The following SREBF2 variants were observed in gnomAD, a reference collection of about 807,000 sequenced individuals.
The protein encoded by SREBF2 is sterol regulatory element-binding protein 2.
A neutral mutation model predicts 113.1 loss-of-function variants in SREBF2; 55 were observed. The ratio of observed to expected loss-of-function variants is 0.49; its 90% CI spans 0.39 to 0.61. SREBF2 has a LOEUF of 0.61. Ranked by LOEUF, SREBF2 falls within the 20% of genes least tolerant of loss-of-function variation. SREBF2 has a pLI of 0.00. For synonymous variants in SREBF2, 593 were observed against 605.7 expected (o/e 0.98, Z 0.31); for missense variants, 1,349 against 1,487.4 (o/e 0.91, Z 1.53).
rs528004172 is a variant in SREBF2 at position 41,840,468 on chromosome 22, A to G, written c.88+7110A>G. On this transcript the variant is annotated intron_variant, in intron 1 of 18. Transcript: ENST00000361204. ...CTTTCCCAGTTCTTGATTTTTACTCACTTATTTTAGTGGAGCACATCCTCC... is the reference window on the plus strand; with the variant it reads ...CTTTCCCAGTTCTTGATTTTTACTCGCTTATTTTAGTGGAGCACATCCTCC... Among the ~76,000 whole-genome samples, 15 of 152,074 alleles carry G rather than the reference A, an allele frequency of 9.9e-5. No individual in the cohort carries two copies. In the East Asian group the frequency reaches 2.7e-3, roughly 27 times the overall value.
intron 1 of SREBF2, among the ~76,000 whole-genome samples, chr22:41,864,510 C>T (rs1362499213): frequency 6.6e-6 from 1 of 150,564 alleles, no homozygotes; most frequent in Admixed American, 6.6e-5. Flanking sequence ...TTAGTAGAGA[C>T]GGGGTTTCAC....
At chr22:41,898,560 T>A in intron 14 of SREBF2, 89 bp from the exon 15 acceptor site, 1 of 1,571,800 alleles carries the variant, frequency 6.4e-7, no homozygotes, top group South Asian at 1.1e-5. Context: ...ATGTTACCCA[T>A]CTCCTAGGAA....
At chr22:41,862,561 A>T (rs1489124621) in intron 1 of SREBF2, among the ~76,000 whole-genome samples, 1 of 151,988 alleles carries the variant, frequency 6.6e-6, no homozygotes, top group African/African-American at 2.4e-5. Context: ...CCCTTTTCTG[A>T]GTTTCATGGC....
intron 3 of SREBF2, among the ~76,000 whole-genome samples, chr22:41,869,924 G>A (rs2077124163): frequency 6.6e-6 from 1 of 151,228 alleles, no homozygotes; most frequent in South Asian, 2.1e-4. Context: ...CACGATCTCG[G>A]CTCACTGTGC....
rs537096033 is a variant in SREBF2 at position 41,906,346 on chromosome 22, T to A, written c.*686T>A. On this transcript the variant is annotated 3_prime_UTR_variant, in exon 19 of 19. Transcript: ENST00000361204. ...ATGTTGGCATTATTTTTTAATTTTT[T>A]AAAAAATAAATGGTATCTTATTTAA... The A allele has an allele frequency of 1.5e-3, 306 of 203,954 alleles. 2 individuals are homozygous for A. Among genetic ancestry groups the A allele is most frequent in the African/African-American group, 6.9e-3 (294 of 42,414 alleles). The allele number at this position is 203,954 out of a possible 1,614,324, so 12.6% of individuals were successfully genotyped here.
At chr22:41,850,131 C>T (rs1480086871) in intron 1 of SREBF2, among the ~76,000 whole-genome samples, 3 of 149,896 alleles carry the variant, frequency 2.0e-5, no homozygotes, top group Non-Finnish European at 4.4e-5. Context: ...CAGAGTGAGA[C>T]TCCGTCTCAA....
chr22:41,878,821 T>G (rs1389140196), intron 9 of SREBF2: 2 of 1,086,834 alleles, frequency 1.8e-6, no homozygotes, highest in Non-Finnish European at 2.5e-6. Flanking sequence ...AGAATCTGAT[T>G]GGCCATCCTG....
At chr22:41,872,749 G>C (rs2077158015) in intron 4 of SREBF2, among the ~76,000 whole-genome samples, 1 of 151,986 alleles carries the variant, frequency 6.6e-6, no homozygotes, top group Admixed American at 6.6e-5. Flanking sequence ...AAATGAGCCA[G>C]GTGTGGTGGT....
Position 41,833,525 on chromosome 22 carries a change from G to C in SREBF2, c.88+167G>C. ...CCTCAACCCTTCCGGCGCTGCGAGC[G>C]TGAGCCCGACCCAGCTGCGCCGCTC... On this transcript the variant is annotated intron_variant, in intron 1 of 18. Transcript: ENST00000361204. The surrounding 1 kb of genome is among the most constrained non-coding windows in gnomAD (Gnocchi z 4.1). 1.9e-6 allele frequency: 1 copy of C among 531,058 alleles called. No homozygotes were observed. Among genetic ancestry groups the C allele is most frequent in the South Asian group, 3.0e-5 (1 of 33,734 alleles). 32.9% of individuals were successfully genotyped at this position (531,058 alleles called of 1,614,324 possible). A position where few individuals can be genotyped will look rare whatever the true frequency, so the allele number is the denominator to read the frequency against.
At chr22:41,870,852 G>A in intron 3 of SREBF2, 37 bp from the exon 4 acceptor site, 1 of 1,606,316 alleles carries the variant, frequency 6.2e-7, no homozygotes, top group South Asian at 1.1e-5. Context: ...GAAGGATAAT[G>A]CTATCATCCT....
intron 1 of SREBF2, among the ~76,000 whole-genome samples, chr22:41,859,698 G>T (rs1031563028): frequency 6.0e-5 from 9 of 151,102 alleles, no homozygotes; most frequent in African/African-American, 2.2e-4. Context: ...TCATCAATCC[G>T]TGAGTTAGCT....
chr22:41,833,221 G>C lies in SREBF2; in HGVS notation c.-50G>C. 6.9e-7 allele frequency: 1 copy of C among 1,449,192 alleles called. No homozygotes were observed. Among genetic ancestry groups the C allele is most frequent in the South Asian group, 1.3e-5 (1 of 78,124 alleles). The allele number at this position is 1,449,192 out of a possible 1,614,324, so 89.8% of individuals were successfully genotyped here. A position where few individuals can be genotyped will look rare whatever the true frequency, so the allele number is the denominator to read the frequency against. ...GGGCGGTGGCGACGGCACCGCCCCC[G>C]CGTCTCCCTGAGCGGGACGGCAGGG... On this transcript the variant is annotated 5_prime_UTR_variant, in exon 1 of 19. Coordinates refer to ENST00000361204, the MANE Select transcript of SREBF2 (RefSeq NM_004599.4). The surrounding 1 kb of genome is among the most constrained non-coding windows in gnomAD (Gnocchi z 4.1).
At chr22:41,905,000 A>G (rs2146565273) in intron 18 of SREBF2, 26 bp downstream of exon 18, 1 of 1,547,192 alleles carries the variant, frequency 6.5e-7, no homozygotes, top group South Asian at 1.2e-5. Flanking sequence ...CCCAGCTCAC[A>G]GGCTGGGCCA....
Position 41,873,789 on chromosome 22 carries a change from C to G in SREBF2, c.868-9C>G, listed in dbSNP as rs1279537682. On this transcript the variant is annotated splice_polypyrimidine_tract_variant and intron_variant, in intron 4 of 18. Transcript: ENST00000361204. Reference sequence around the variant, plus strand: ...GGATCATTCTGCTGTGTACCTGTCCCTATTCTAGACCCTGGTGGGCAGCAG... The same window carrying G: ...GGATCATTCTGCTGTGTACCTGTCCGTATTCTAGACCCTGGTGGGCAGCAG... 6.3e-7 allele frequency: 1 copy of G among 1,595,584 alleles called. No homozygotes were observed. The highest frequency in any genetic ancestry group is 8.5e-7 in the Non-Finnish European group (1 of 1,170,432).
rs1377001080 is a variant in SREBF2 at position 41,905,965 on chromosome 22, G to A, written c.*305G>A. 1.6e-6 allele frequency: 1 copy of A among 608,028 alleles called. No homozygotes were observed. The highest frequency in any genetic ancestry group is 1.5e-5 in the South Asian group (1 of 65,912). The allele number at this position is 608,028 out of a possible 1,614,324, so 37.7% of individuals were successfully genotyped here. A position where few individuals can be genotyped will look rare whatever the true frequency, so the allele number is the denominator to read the frequency against. On this transcript the variant is annotated 3_prime_UTR_variant, in exon 19 of 19. Coordinates refer to ENST00000361204, the MANE Select transcript of SREBF2 (RefSeq NM_004599.4). ...AAGCCCCTGCCTCCAGCCTTCCTGA[G>A]TTTCTCTCTCCTGAACCCTACTCTC...
At chr22:41,904,590 G>A (rs759627138) in intron 17 of SREBF2, 6 of 637,708 alleles carry the variant, frequency 9.4e-6, no homozygotes, top group Middle Eastern at 2.5e-4. Context: ...AGCCCCACGA[G>A]GTGCGTCCAG....
In SREBF2 at chr22:41,905,973, C is replaced by G. The variant is rs1456049612; in HGVS notation, c.*313C>G. On this transcript the variant is annotated 3_prime_UTR_variant, in exon 19 of 19. Transcript: ENST00000361204. Reference sequence around the variant, plus strand: ...GCCTCCAGCCTTCCTGAGTTTCTCTCTCCTGAACCCTACTCTCTCCTTTTT... The same window carrying G: ...GCCTCCAGCCTTCCTGAGTTTCTCTGTCCTGAACCCTACTCTCTCCTTTTT... 2 of 590,622 alleles carry G rather than the reference C, an allele frequency of 3.4e-6. No homozygotes were observed. The highest frequency in any genetic ancestry group is 6.4e-6 in the Non-Finnish European group (2 of 313,672). 36.6% of individuals were successfully genotyped at this position (590,622 alleles called of 1,614,324 possible).
At chr22:41,866,321 T>G (rs1013730023) in intron 1 of SREBF2, among the ~76,000 whole-genome samples, 4 of 151,734 alleles carry the variant, frequency 2.6e-5, no homozygotes, top group Admixed American at 2.6e-4. Context: ...GAGGCTGAGG[T>G]GGGTGGATCA....
At chr22:41,890,617 G>A (rs1346974446) in intron 11 of SREBF2, among the ~76,000 whole-genome samples, 1 of 152,106 alleles carries the variant, frequency 6.6e-6, no homozygotes, top group Non-Finnish European at 1.5e-5. Context: ...AGGCTCCTAG[G>A]CCCCAGTTGG....
Sources: allele counts gnomAD v4.1 joint callset (sites outside exome capture counted in the v4.1 genomes callset), GRCh38; gene constraint gnomAD v4.1.1; non-coding constraint Gnocchi (gnomAD v3.1); transcripts MANE v1.5; gene names NCBI Gene and HGNC (gene_info 2026-07-23, HGNC 2026-07-21).